The following GALNT14 variants were observed in gnomAD, a reference collection of about 807,000 sequenced individuals.
GALNT14 encodes UDP-GalNAc:polypeptide N-acetylgalactosaminyltransferase 14.
A neutral mutation model predicts 77.5 loss-of-function variants in GALNT14; 60 were observed. The ratio of observed to expected loss-of-function variants is 0.77; its 90% CI spans 0.63 to 0.96. The LOEUF is 0.96. Among genes scored for constraint, GALNT14 ranks in the 40% least tolerant of loss-of-function variants. The probability of loss-of-function intolerance (pLI) is 0.00; values close to 1 mark genes in which losing one functional copy is unlikely to be tolerated. For missense variants in GALNT14, 710 were observed against 731.0 expected (o/e 0.97, Z 0.33); for synonymous variants, 280 against 281.7 (o/e 0.99, Z 0.06).
At chr2:31,081,336 A>C (rs544437818) in intron 1 of GALNT14, among the ~76,000 whole-genome samples, 8 of 152,322 alleles carry the variant, frequency 5.3e-5, no homozygotes, top group African/African-American at 1.7e-4. Flanking sequence ...ACATAGCAAG[A>C]ATGTTTTCCA....
Position 30,942,234 on chromosome 2 carries a change from T to C in GALNT14, c.898A>G (p.Met300Val), listed in dbSNP as rs1666417701. Residue 300 changes from methionine to valine, a missense_variant, in exon 9 of 15, where the codon ATG (methionine) becomes GTG (valine). Transcript: ENST00000349752. ...TCCCCACCCCAGATGTCCATGTCCA[T>C]ATCATATTTCCCCAGGTAATCAAAC... ...AWFDYLGKYDMDMDIWGGENF... is the reference protein window; with the variant it reads ...AWFDYLGKYDVDMDIWGGENF... The C allele has an allele frequency of 1.9e-6, 3 of 1,614,042 alleles. No homozygotes were observed. Among genetic ancestry groups the C allele is most frequent in the Non-Finnish European group, 2.5e-6 (3 of 1,179,964 alleles).
intron 3 of GALNT14, among the ~76,000 whole-genome samples, chr2:30,964,822 C>T (rs1441231779): frequency 6.6e-6 from 1 of 152,186 alleles, no homozygotes; most frequent in African/African-American, 2.4e-5. Context: ...TGCCTTCCCT[C>T]AGGGTGACCC....
intron 1 of GALNT14, among the ~76,000 whole-genome samples, chr2:31,084,688 T>C (rs1344166006): frequency 6.6e-6 from 1 of 152,122 alleles, no homozygotes; most frequent in East Asian, 1.9e-4. Flanking sequence ...CCTCAGTCGC[T>C]TCATCTAACC....
intron 1 of GALNT14, among the ~76,000 whole-genome samples, chr2:31,136,442 G>C (rs1679231960): frequency 6.6e-6 from 1 of 152,100 alleles, no homozygotes; most frequent in Non-Finnish European, 1.5e-5. Context: ...TCCTCCTCCA[G>C]GGAGACCTCA....
intron 1 of GALNT14, among the ~76,000 whole-genome samples, chr2:30,996,771 G>T (rs1207249469): frequency 6.6e-6 from 1 of 152,212 alleles, no homozygotes; most frequent in Non-Finnish European, 1.5e-5. Context: ...GAAATTGAAA[G>T]AAGTCATGGA....
intron 1 of GALNT14, among the ~76,000 whole-genome samples, chr2:31,067,312 T>C (rs1268357756): frequency 6.6e-6 from 1 of 152,128 alleles, no homozygotes; most frequent in Non-Finnish European, 1.5e-5. Flanking sequence ...AAGGGGTCCA[T>C]GTCCCCACGG....
rs999750264 is a variant in GALNT14 at position 31,066,513 on chromosome 2, G to T, written c.129+71445C>A. Among the ~76,000 whole-genome samples, 11 of 152,138 alleles carry T rather than the reference G, an allele frequency of 7.2e-5. 1 individual carries two copies. Among genetic ancestry groups the T allele is most frequent in the Non-Finnish European group, 1.6e-4 (11 of 68,024 alleles). The stretch of plus-strand genomic sequence containing the variant: ...TATGTCACTCAGGCCCAGTGAGCAG[G>T]GAGGGGCCGTGCAGGGAAGCCTTTA... On this transcript the variant is annotated intron_variant, in intron 1 of 14. Coordinates refer to ENST00000349752, the MANE Select transcript of GALNT14 (RefSeq NM_024572.4).
intron 1 of GALNT14, among the ~76,000 whole-genome samples, chr2:31,113,411 G>T (rs1677937279): frequency 6.6e-6 from 1 of 152,162 alleles, no homozygotes; most frequent in African/African-American, 2.4e-5. Flanking sequence ...CTGAATCCTG[G>T]GGAAAGCTTG....
chr2:31,125,442 T>C (rs1678658912), intron 1 of GALNT14, among the ~76,000 whole-genome samples: 1 of 138,224 alleles, frequency 7.2e-6, no homozygotes, highest in Admixed American at 7.7e-5. Context: ...ACCTTACACG[T>C]GGCGCTCAAT....
At chr2:31,057,675 T>A (rs1674320558) in intron 1 of GALNT14, among the ~76,000 whole-genome samples, 1 of 152,034 alleles carries the variant, frequency 6.6e-6, no homozygotes, top group East Asian at 1.9e-4. Context: ...TAACACTAAC[T>A]CAGCTTAGTG....
In GALNT14 at chr2:30,954,098, G is replaced by A. The variant is rs545180970; in HGVS notation, c.654+1520C>T. On this transcript the variant is annotated intron_variant, in intron 6 of 14. Transcript: ENST00000349752. ...TCAGGAAAGGCTGCCTAGAGGAGGG[G>A]AGCCGTGGACGAGGCCCCACAGAGC... Among the ~76,000 whole-genome samples the A allele has an allele frequency of 1.3e-5, 2 of 152,276 alleles. 1 individual carries two copies. Among genetic ancestry groups the A allele is most frequent in the East Asian group, 3.9e-4 (2 of 5,170 alleles).
intron 13 of GALNT14, among the ~76,000 whole-genome samples, chr2:30,917,695 C>A (rs116847387): frequency 6.6e-6 from 1 of 152,232 alleles, no homozygotes; most frequent in Non-Finnish European, 1.5e-5. Flanking sequence ...ATAACCACTA[C>A]GGTTCCCGTT....
chr2:31,035,361 T>C (rs1481263436), intron 1 of GALNT14, among the ~76,000 whole-genome samples: 5 of 152,020 alleles, frequency 3.3e-5, no homozygotes, highest in Non-Finnish European at 5.9e-5. Context: ...TTGTTTCTAG[T>C]AAAAATTTTG....
At chr2:31,028,820 T>C (rs541549581) in intron 1 of GALNT14, among the ~76,000 whole-genome samples, 20 of 152,264 alleles carry the variant, frequency 1.3e-4, no homozygotes, top group African/African-American at 4.6e-4. Flanking sequence ...TGGTATTTCA[T>C]TGGCATGATA....
rs192485367 is a variant in GALNT14, at chr2:30,920,267, C to T, written c.1380+3852G>A. Among the ~76,000 whole-genome samples the T allele has an allele frequency of 2.0e-3, 302 of 152,298 alleles. 1 individual carries two copies. The highest frequency in any genetic ancestry group is 3.4e-3 in the Middle Eastern group (1 of 294). On this transcript the variant is annotated intron_variant, in intron 13 of 14. Coordinates refer to ENST00000349752, the MANE Select transcript of GALNT14 (RefSeq NM_024572.4). ...AGACTTGGTTTCATTGTTTTGGCCT[C>T]GGCCTGTATCTGTACGATGGGATAA...
intron 1 of GALNT14, among the ~76,000 whole-genome samples, chr2:31,136,544 A>C (rs1286379241): frequency 6.6e-6 from 1 of 152,168 alleles, no homozygotes; most frequent in Non-Finnish European, 1.5e-5. Context: ...CTCCCCCCAG[A>C]GAGTAAATTC....
intron 1 of GALNT14, among the ~76,000 whole-genome samples, chr2:31,081,971 T>G (rs1676178083): frequency 6.6e-6 from 1 of 152,218 alleles, no homozygotes; most frequent in Admixed American, 6.5e-5. Flanking sequence ...TCTATTTATC[T>G]TCCTAGTTAT....
intron 1 of GALNT14, among the ~76,000 whole-genome samples, chr2:31,040,529 G>C (rs192049105): frequency 6.6e-6 from 1 of 152,290 alleles, no homozygotes; most frequent in East Asian, 1.9e-4. Flanking sequence ...GGAACTCTGA[G>C]GGATCTCAGA....
At chr2:30,976,313 C>T (rs1414782557) in intron 2 of GALNT14, among the ~76,000 whole-genome samples, 4 of 152,324 alleles carry the variant, frequency 2.6e-5, no homozygotes, top group South Asian at 2.1e-4. Flanking sequence ...ACTTAAAGAA[C>T]GTAGACTCCT....
Sources: allele counts gnomAD v4.1 joint callset (sites outside exome capture counted in the v4.1 genomes callset), GRCh38; gene constraint gnomAD v4.1.1; transcripts MANE v1.5; gene names NCBI Gene and HGNC (gene_info 2026-07-23, HGNC 2026-07-21).